Variants in ACSL1 observed in about 807,000 individuals in gnomAD.
ACSL1 encodes the protein long-chain-fatty-acid--CoA ligase 1.
ACSL1 carries 41 observed loss-of-function variants against 98.4 expected under a neutral mutation model. That is an observed-to-expected ratio of 0.42 (90% CI 0.32 to 0.54). The LOEUF is 0.54. ACSL1 is among the 20% of genes least tolerant of loss of function. The pLI is 0.13. For missense variants in ACSL1, 734 were observed against 883.1 expected, an observed-to-expected ratio of 0.83 and a Z score of 2.14; for synonymous variants, 316 against 322.7, an observed-to-expected ratio of 0.98 and a Z score of 0.22.
chr4:184,767,780 G>A (rs1016024724), intron 12 of ACSL1, among the ~76,000 whole-genome samples: 1 of 152,194 alleles, frequency 6.6e-6, no homozygotes, highest in African/African-American at 2.4e-5. Flanking sequence ...TGCCCCTCGC[G>A]CCTGGCCCTG....
intron 3 of ACSL1, 106 bp from the exon 4 acceptor site, chr4:184,784,097 A>T: frequency 1.2e-6 from 1 of 854,050 alleles, no homozygotes; most frequent in South Asian, 1.5e-5. Flanking sequence ...GCTAGACTCT[A>T]CTTTAGTCCT....
At chr4:184,779,798 A>G (rs1236663578) in intron 5 of ACSL1, among the ~76,000 whole-genome samples, 1 of 152,204 alleles carries the variant, frequency 6.6e-6, no homozygotes, top group Non-Finnish European at 1.5e-5. Context: ...TAAAAAAACT[A>G]AAATAATCCC....
At position 184,769,500 on chromosome 4, in the gene ACSL1, G is replaced by A. The variant is rs187648836; in HGVS notation, c.993+899C>T. Among the ~76,000 whole-genome samples the A allele has an allele frequency of 1.1e-3, 160 of 152,318 alleles. 4 individuals are homozygous for A. Among genetic ancestry groups the A allele is most frequent in the African/African-American group, 3.4e-3 (143 of 41,572 alleles). ...AGCTCAGAAAGCTTTTGTTCAGCGT[G>A]GCCTGCCTTCTAGGCACACCTCTAA... On this transcript the variant is annotated intron_variant, in intron 11 of 20. Transcript: ENST00000281455.
At position 184,820,212 on chromosome 4, in the gene ACSL1, T is replaced by G. The variant is rs185917446; in HGVS notation, c.-33+5704A>C. On this transcript the variant is annotated intron_variant, in intron 1 of 20. Coordinates refer to ENST00000281455, the MANE Select transcript of ACSL1 (RefSeq NM_001995.5). ...TTTTGTATTTTTAGTAGAGACAGGG[T>G]TGCACCGTGTTAGCCAGGATGGTCT... 2.4e-3 allele frequency among the ~76,000 whole-genome samples: 366 copies of G among 152,224 alleles called. 2 individuals are homozygous for G. The highest frequency in any genetic ancestry group is 8.3e-3 in the African/African-American group (345 of 41,536).
In ACSL1 at chr4:184,755,751, T is replaced by C. The variant is rs904652808; in HGVS notation, c.*1374A>G. ...CTTTTTGTGCAATTAAGAATACATA[T>C]ATGAAGTTAGGCTACCAAGTAGTGT... is the stretch of plus-strand genomic sequence containing the variant. On this transcript the variant is annotated 3_prime_UTR_variant, in exon 21 of 21. Transcript: ENST00000281455. 1 of 152,694 alleles carries C rather than the reference T, an allele frequency of 6.5e-6. No homozygotes were observed. Among genetic ancestry groups the C allele is most frequent in the African/African-American group, 2.4e-5 (1 of 41,472 alleles). The allele number at this position is 152,694 out of a possible 1,614,324, so 9.5% of individuals were successfully genotyped here.
rs113355769 is a variant in ACSL1 at position 184,813,727 on chromosome 4, C to T, written c.-32-10181G>A. ...TCACCTTACTGGACTCAGCTAACCA[C>T]AAAGTAAGCCCTGAAGCAAGAGACC... On this transcript the variant is annotated intron_variant, in intron 1 of 20. Transcript: ENST00000281455. The T allele has an allele frequency of 3.0e-3, 1,210 of 409,694 alleles. 13 individuals are homozygous for T. The highest frequency in any genetic ancestry group is 0.023 in the African/African-American group (1,117 of 48,954). The allele number at this position is 409,694 out of a possible 1,614,324, so 25.4% of individuals were successfully genotyped here.
intron 1 of ACSL1, among the ~76,000 whole-genome samples, chr4:184,811,216 C>T (rs1772041134): frequency 6.6e-6 from 1 of 152,102 alleles, no homozygotes; most frequent in South Asian, 2.1e-4. Context: ...TCACGCCATT[C>T]TCCCACCTCA....
intron 1 of ACSL1, among the ~76,000 whole-genome samples, chr4:184,811,346 T>TCA (rs1340257320): frequency 1.2e-4 from 19 of 152,122 alleles, no homozygotes; most frequent in African/African-American, 3.4e-4. Context: ...TCTCCCGACT[T>TCA]TGTGATCTGC....
intron 1 of ACSL1, chr4:184,820,920 C>T (rs1773020154): frequency 2.1e-5 from 9 of 420,248 alleles, no homozygotes. Context: ...GTGAGAACTT[C>T]TAGCTCTGGA....
At chr4:184,792,777 A>C (rs1422619499) in intron 2 of ACSL1, among the ~76,000 whole-genome samples, 1 of 152,094 alleles carries the variant, frequency 6.6e-6, no homozygotes, top group Non-Finnish European at 1.5e-5. Context: ...CTATATTTAA[A>C]AAAGGGTGTT....
Position 184,760,339 on chromosome 4 carries a change from G to T in ACSL1, c.1782+18C>A, listed in dbSNP as rs1031318331. The T allele has an allele frequency of 6.2e-7, 1 of 1,613,466 alleles. No homozygotes were observed. Among genetic ancestry groups the T allele is most frequent in the Admixed American group, 1.7e-5 (1 of 59,974 alleles). Reference sequence around the variant, plus strand: ...GCAATGTGTATGCAGCAAGATTCAAGACCCAGAAAGCACATACCTGCAGGC... The same window carrying T: ...GCAATGTGTATGCAGCAAGATTCAATACCCAGAAAGCACATACCTGCAGGC... On this transcript the variant is annotated intron_variant, in intron 18 of 20. Coordinates refer to ENST00000281455, the MANE Select transcript of ACSL1 (RefSeq NM_001995.5).
At chr4:184,762,595 G>A (rs1242141793) in intron 16 of ACSL1, 72 bp from the exon 17 acceptor site, 1 of 1,283,968 alleles carries the variant, frequency 7.8e-7, no homozygotes, top group African/African-American at 1.5e-5. Context: ...GTGTGCATGT[G>A]TGTACGTGTG....
chr4:184,770,728 A>G (rs957947198), intron 10 of ACSL1, among the ~76,000 whole-genome samples: 6 of 152,174 alleles, frequency 3.9e-5, no homozygotes, highest in Non-Finnish European at 8.8e-5. Context: ...TAAAAAAAAA[A>G]GACTCCGAGT....
At chr4:184,800,879 G>C (rs1006982196) in intron 2 of ACSL1, among the ~76,000 whole-genome samples, 1 of 152,176 alleles carries the variant, frequency 6.6e-6, no homozygotes, top group South Asian at 2.1e-4. Flanking sequence ...TAGGGACAAG[G>C]TCTCGCTCTG....
chr4:184,787,012 A>G (rs1767497744), intron 3 of ACSL1, among the ~76,000 whole-genome samples: 1 of 152,104 alleles, frequency 6.6e-6, no homozygotes, highest in Non-Finnish European at 1.5e-5. Flanking sequence ...TCTTGAGTGC[A>G]TATTACATGC....
chr4:184,815,085 G>A (rs528005480), intron 1 of ACSL1: 41 of 456,234 alleles, frequency 9.0e-5, no homozygotes, highest in Non-Finnish European at 1.7e-4. Flanking sequence ...AGACAGATCT[G>A]ATAACCACGG....
chr4:184,812,153 C>G, intron 1 of ACSL1: 2 of 982,464 alleles, frequency 2.0e-6, no homozygotes, highest in Non-Finnish European at 2.4e-6. Context: ...TCCTGTCTTA[C>G]ACTTACAGCG....
At chr4:184,770,566 GGA>G in intron 10 of ACSL1, 90 bp from the exon 11 acceptor site, 1 of 611,284 alleles carries the variant, frequency 1.6e-6, no homozygotes. Context: ...TGGGGTAGGG[GGA>G]GGGGGGAGGG....
At chr4:184,817,818 A>G (rs1256110294) in intron 1 of ACSL1, among the ~76,000 whole-genome samples, 1 of 152,082 alleles carries the variant, frequency 6.6e-6, no homozygotes. Context: ...GCCTCTCTGC[A>G]GGACAGAGAG....
Sources: allele counts gnomAD v4.1 joint callset (sites outside exome capture counted in the v4.1 genomes callset), GRCh38; gene constraint gnomAD v4.1.1; transcripts MANE v1.5; gene names NCBI Gene and HGNC (gene_info 2026-07-23, HGNC 2026-07-21).